SLC36A4: variants seen among roughly 807,000 people sequenced by gnomAD.
The protein encoded by SLC36A4 is neutral amino acid uniporter 4.
SLC36A4 carries 49 observed loss-of-function variants against 50.5 expected under a neutral mutation model. That is an observed-to-expected ratio of 0.97 (90% CI 0.77 to 1.23). SLC36A4 has a LOEUF of 1.23. Among genes scored for constraint, SLC36A4 ranks in the 50% most tolerant of loss-of-function variants. The pLI is 0.00. For synonymous variants in SLC36A4, 207 were observed against 206.5 expected, an observed-to-expected ratio of 1.00 and a Z score of -0.02; for missense variants, 611 against 608.4, an observed-to-expected ratio of 1.00 and a Z score of -0.05.
chr11:93,179,901 C>G (rs991256431), intron 6 of SLC36A4, among the ~76,000 whole-genome samples: 1 of 152,126 alleles, frequency 6.6e-6, no homozygotes, highest in Non-Finnish European at 1.5e-5. Context: ...TACTTATTAA[C>G]TGGCCCTCTA....
chr11:93,146,347 T>A lies in SLC36A4; in HGVS notation c.*2190A>T, dbSNP rs986666243. The A allele has an allele frequency of 3.3e-5, 5 of 152,004 alleles. No individual in the cohort carries two copies. The highest frequency in any genetic ancestry group is 1.2e-4 in the African/African-American group (5 of 41,460). 9.4% of individuals were successfully genotyped at this position (152,004 alleles called of 1,614,324 possible). ...ATAATAATTTTCAACTCATTTTATA[T>A]CAAGCTATAAAGTTTTTTAAACATC... On this transcript the variant is annotated 3_prime_UTR_variant, in exon 11 of 11. Transcript: ENST00000326402.
intron 9 of SLC36A4, among the ~76,000 whole-genome samples, chr11:93,159,627 G>T (rs973655034): frequency 6.6e-5 from 10 of 152,076 alleles, no homozygotes; most frequent in African/African-American, 2.4e-4. Flanking sequence ...GACAACTATG[G>T]TTATGTAGCA....
intron 1 of SLC36A4, among the ~76,000 whole-genome samples, chr11:93,188,252 T>C (rs1355739375): frequency 6.6e-6 from 1 of 152,226 alleles, no homozygotes; most frequent in Non-Finnish European, 1.5e-5. Flanking sequence ...GGAGGATGTG[T>C]TGAGAGATCA....
At chr11:93,180,074 T>C (rs1487269286) in intron 6 of SLC36A4, 4 of 944,200 alleles carry the variant, frequency 4.2e-6, no homozygotes, top group African/African-American at 1.8e-5. Flanking sequence ...TATATATTAC[T>C]ATGTAAAATG....
At chr11:93,165,226 C>G (rs540833379) in intron 8 of SLC36A4, among the ~76,000 whole-genome samples, 104 of 152,212 alleles carry the variant, frequency 6.8e-4, no homozygotes, top group Non-Finnish European at 1.2e-3. Context: ...GATCATCAGA[C>G]TATGAAACAT....
rs1861390352 is a variant in SLC36A4, at chr11:93,175,048, T to C, written c.540+5749A>G. On this transcript the variant is annotated intron_variant, in intron 6 of 10. Transcript: ENST00000326402. ...TACCAGTTCCTCCTTGTACCTCTGG[T>C]AGAATTCGGCTGTGAATCCATCTGG... Among the ~76,000 whole-genome samples the C allele has an allele frequency of 1.3e-5, 2 of 151,932 alleles. 1 individual carries two copies. The highest frequency in any genetic ancestry group is 4.2e-4 in the South Asian group (2 of 4,798).
At chr11:93,183,857 C>G (rs1202241194) in intron 3 of SLC36A4, among the ~76,000 whole-genome samples, 1 of 152,012 alleles carries the variant, frequency 6.6e-6, no homozygotes, top group Non-Finnish European at 1.5e-5. Context: ...GCCACCACGC[C>G]CGGCTAATTT....
chr11:93,153,857 A>C, intron 10 of SLC36A4: 1 of 202,340 alleles, frequency 4.9e-6, no homozygotes. Flanking sequence ...AATCACCAGT[A>C]ATGTAATTTT....
chr11:93,160,973 G>A (rs1007823426), intron 9 of SLC36A4: 2 of 159,610 alleles, frequency 1.3e-5, no homozygotes, highest in Non-Finnish European at 2.7e-5. Flanking sequence ...CCAAATAGCT[G>A]CAATTACAGA....
intron 6 of SLC36A4, among the ~76,000 whole-genome samples, chr11:93,179,736 C>T (rs1327077505): frequency 6.6e-6 from 1 of 152,102 alleles, no homozygotes; most frequent in African/African-American, 2.4e-5. Context: ...CAGGGATAGT[C>T]TAAATCAGGG....
chr11:93,167,454 C>A (rs1363945334), intron 7 of SLC36A4: 1 of 152,196 alleles, frequency 6.6e-6, no homozygotes, highest in Non-Finnish European at 1.5e-5. Context: ...AATCCCCAGA[C>A]TATGGACAAT....
At chr11:93,189,020 A>T (rs1395851312) in intron 1 of SLC36A4, among the ~76,000 whole-genome samples, 2 of 150,864 alleles carry the variant, frequency 1.3e-5, no homozygotes, top group Non-Finnish European at 2.9e-5. Flanking sequence ...TAAGGACACC[A>T]GTCATATTGG....
chr11:93,196,389 C>CA (rs1862423869), intron 1 of SLC36A4, among the ~76,000 whole-genome samples: 1 of 151,698 alleles, frequency 6.6e-6, no homozygotes, highest in Non-Finnish European at 1.5e-5. Flanking sequence ...TTTTTTGAGA[C>CA]AGAGTCTCGC....
At chr11:93,167,037 C>G (rs977736382) in intron 7 of SLC36A4, 5 of 152,166 alleles carry the variant, frequency 3.3e-5, no homozygotes, top group Non-Finnish European at 7.3e-5. Context: ...GCTTAACTGA[C>G]TCTTACATGT....
In SLC36A4 at chr11:93,184,424, T is replaced by C; in HGVS notation, c.270+6A>G. On this transcript the variant is annotated splice_donor_region_variant and intron_variant, in intron 3 of 10. Coordinates refer to ENST00000326402, the MANE Select transcript of SLC36A4 (RefSeq NM_152313.4). The stretch of plus-strand genomic sequence containing the variant: ...CTTAACTGGTGATTACAAAGATAAG[T>C]CTTACCACTATGCCTGCATTTTTTA... 1 of 1,568,688 alleles carries C rather than the reference T, an allele frequency of 6.4e-7. No homozygotes were observed. Among genetic ancestry groups the C allele is most frequent in the South Asian group, 1.1e-5 (1 of 90,006 alleles).
chr11:93,174,001 G>C (rs928033779), intron 6 of SLC36A4, among the ~76,000 whole-genome samples: 4 of 149,106 alleles, frequency 2.7e-5, no homozygotes, highest in East Asian at 2.0e-4. Context: ...TTGGTAGCTT[G>C]ATGGGGATGG....
chr11:93,183,704 A>AT (rs1186343706), intron 3 of SLC36A4, among the ~76,000 whole-genome samples: 86 of 144,914 alleles, frequency 5.9e-4, no homozygotes, highest in South Asian at 1.1e-3. Context: ...TTATTTATTT[A>AT]TTTTTTTTTT....
intron 1 of SLC36A4, among the ~76,000 whole-genome samples, chr11:93,193,644 T>C (rs1291676015): frequency 6.6e-6 from 1 of 152,248 alleles, no homozygotes; most frequent in Admixed American, 6.5e-5. Context: ...TAATGGTGCA[T>C]ACAAATGGAA....
chr11:93,167,071 G>A (rs1299945168), intron 7 of SLC36A4: 2 of 152,186 alleles, frequency 1.3e-5, no homozygotes, highest in Middle Eastern at 3.4e-3. Flanking sequence ...CATGAACTCC[G>A]GAAAGCCTAT....
Sources: allele counts gnomAD v4.1 joint callset (sites outside exome capture counted in the v4.1 genomes callset), GRCh38; gene constraint gnomAD v4.1.1; transcripts MANE v1.5; gene names NCBI Gene and HGNC (gene_info 2026-07-23, HGNC 2026-07-21).